PKHD1: variants seen among roughly 807,000 people sequenced by gnomAD.
PKHD1 encodes the protein fibrocystin.
Under a neutral mutation model 412.0 loss-of-function variants are expected in PKHD1, and 291 were observed. That is an observed-to-expected ratio of 0.71 (90% confidence interval 0.64 to 0.78). The LOEUF is 0.78. Among genes scored for constraint, PKHD1 ranks in the 30% least tolerant of loss-of-function variants. The pLI, the probability that PKHD1 is intolerant of heterozygous loss-of-function variation, is 0.00. For synonymous variants in PKHD1, 1,777 were observed against 1,821.5 expected (o/e 0.98, Z 0.62); for missense variants, 4,825 against 4,950.7 (o/e 0.97, Z 0.76).
chr6:51,978,124 T>C (rs1249635666), intron 35 of PKHD1, among the ~76,000 whole-genome samples: 1 of 151,900 alleles, frequency 6.6e-6, no homozygotes, highest in African/African-American at 2.4e-5. Context: ...GCCCTACTCA[T>C]CTCTCCTCTC....
In PKHD1 at chr6:52,076,341, GA is replaced by G; in HGVS notation, c.391-9del. ...TGTCTGCGCCTTGGAAAACTGTTTA[GA>G]AAATAGTACCACAAGTGAGCATGTC... On this transcript the variant is annotated splice_polypyrimidine_tract_variant and intron_variant, in intron 5 of 66. Coordinates refer to ENST00000371117, the MANE Select transcript of PKHD1 (RefSeq NM_138694.4). 1 of 1,606,954 alleles carries G rather than the reference GA, an allele frequency of 6.2e-7. No individual in the cohort carries two copies. Among genetic ancestry groups the G allele is most frequent in the Non-Finnish European group, 8.5e-7 (1 of 1,173,558 alleles).
chr6:52,083,919 C>G (rs764575907), intron 2 of PKHD1, among the ~76,000 whole-genome samples: 1 of 152,014 alleles, frequency 6.6e-6, no homozygotes, highest in East Asian at 1.9e-4. Flanking sequence ...CTTGCCTTGC[C>G]TGCTTAGAGA....
intron 35 of PKHD1, among the ~76,000 whole-genome samples, chr6:51,998,583 T>G (rs1797981672): frequency 6.6e-6 from 1 of 152,206 alleles, no homozygotes; most frequent in South Asian, 2.1e-4. Context: ...AATTATAATA[T>G]TCTAGAAAGG....
At chr6:52,080,844 T>G (rs1811927749) in intron 4 of PKHD1, among the ~76,000 whole-genome samples, 1 of 152,210 alleles carries the variant, frequency 6.6e-6, no homozygotes, top group African/African-American at 2.4e-5. Flanking sequence ...TTAGATATGT[T>G]GAGTTAAATA....
intron 35 of PKHD1, among the ~76,000 whole-genome samples, chr6:51,967,881 T>C (rs1222551797): frequency 6.6e-6 from 1 of 152,190 alleles, no homozygotes; most frequent in Non-Finnish European, 1.5e-5. Context: ...CTACAACATG[T>C]TATTTCCCCA....
intron 60 of PKHD1, among the ~76,000 whole-genome samples, chr6:51,663,634 T>C (rs1773225778): frequency 6.6e-6 from 1 of 152,174 alleles, no homozygotes; most frequent in African/African-American, 2.4e-5. Context: ...AATGTCCTTT[T>C]CAAAATTCCT....
At chr6:52,045,195 G>T in intron 24 of PKHD1, 107 bp from the exon 25 acceptor site, 3 of 1,071,244 alleles carry the variant, frequency 2.8e-6, no homozygotes, top group Non-Finnish European at 4.2e-6. Flanking sequence ...TAATCAGACA[G>T]CTAGAAAGTG....
chr6:52,077,424 T>C (rs796076205), intron 5 of PKHD1, among the ~76,000 whole-genome samples: 6 of 152,182 alleles, frequency 3.9e-5, no homozygotes, highest in African/African-American at 1.2e-4. Flanking sequence ...CCCCAATCCC[T>C]TCTAGATGCC....
chr6:52,086,022 TTA>T (rs1346826850), intron 1 of PKHD1, among the ~76,000 whole-genome samples: 3 of 148,486 alleles, frequency 2.0e-5, no homozygotes, highest in Non-Finnish European at 4.5e-5. Context: ...TTAATTATGT[TTA>T]TGTTTATTAC....
chr6:51,893,979 A>G (rs1373677340), intron 43 of PKHD1, among the ~76,000 whole-genome samples: 2 of 152,198 alleles, frequency 1.3e-5, no homozygotes, highest in Non-Finnish European at 2.9e-5. Flanking sequence ...AATTTCCAAC[A>G]CCTACATAAA....
intron 52 of PKHD1, among the ~76,000 whole-genome samples, chr6:51,817,862 C>G (rs1036280349): frequency 1.3e-5 from 2 of 152,200 alleles, no homozygotes; most frequent in African/African-American, 4.8e-5. Context: ...ACAGCCCAGA[C>G]AGCCTGGGCA....
At chr6:51,952,052 G>T (rs1192025128) in intron 36 of PKHD1, among the ~76,000 whole-genome samples, 1 of 152,096 alleles carries the variant, frequency 6.6e-6, no homozygotes, top group Non-Finnish European at 1.5e-5. Context: ...ACTGTAAATT[G>T]TTTAATATCT....
intron 53 of PKHD1, among the ~76,000 whole-genome samples, chr6:51,789,371 G>C (rs1793381205): frequency 6.6e-6 from 1 of 151,994 alleles, no homozygotes; most frequent in South Asian, 2.1e-4. Flanking sequence ...AAATAACTTA[G>C]GTGCTTAACA....
At chr6:52,002,253 A>G (rs986746902) in intron 35 of PKHD1, among the ~76,000 whole-genome samples, 14 of 152,208 alleles carry the variant, frequency 9.2e-5, no homozygotes, top group African/African-American at 3.4e-4. Context: ...CAAAAGCTGG[A>G]AGTCAGCTAG....
intron 60 of PKHD1, 67 bp from the exon 61 acceptor site, chr6:51,660,036 C>T: frequency 1.0e-6 from 1 of 974,204 alleles, no homozygotes. Context: ...ATTTGTAATC[C>T]ATCACTCTTG....
At chr6:51,890,052 C>G (rs1167922119) in intron 43 of PKHD1, among the ~76,000 whole-genome samples, 1 of 151,846 alleles carries the variant, frequency 6.6e-6, no homozygotes, top group Admixed American at 6.6e-5. Context: ...AATAATAACA[C>G]TCATAGTGAA....
chr6:51,942,626 C>A lies in PKHD1; in HGVS notation c.5909-8304G>T, dbSNP rs1030482504. On this transcript the variant is annotated intron_variant, in intron 36 of 66. Coordinates refer to ENST00000371117, the MANE Select transcript of PKHD1 (RefSeq NM_138694.4). Reference sequence around the variant, plus strand: ...CCCCATGACTTATCTCTCTGATCCACCTGACATTCACCCCCATTTCTCCAT... The same window carrying A: ...CCCCATGACTTATCTCTCTGATCCAACTGACATTCACCCCCATTTCTCCAT... Among the ~76,000 whole-genome samples the A allele has an allele frequency of 2.6e-5, 4 of 151,438 alleles. No individual in the cohort carries two copies. The South Asian group carries it at 8.3e-4, about 31-fold the overall frequency.
chr6:51,967,730 C>T (rs762628469), intron 35 of PKHD1, among the ~76,000 whole-genome samples: 2 of 152,052 alleles, frequency 1.3e-5, no homozygotes, highest in Non-Finnish European at 2.9e-5. Flanking sequence ...CACACACACA[C>T]AGAGCCAGAT....
At chr6:51,982,617 TC>T (rs1247928906) in intron 35 of PKHD1, among the ~76,000 whole-genome samples, 2 of 148,162 alleles carry the variant, frequency 1.3e-5, no homozygotes, top group Non-Finnish European at 3.0e-5. Context: ...GGCAGCATGC[TC>T]GTCAAGAGTC....
Sources: allele counts gnomAD v4.1 joint callset (sites outside exome capture counted in the v4.1 genomes callset), GRCh38; gene constraint gnomAD v4.1.1; transcripts MANE v1.5; gene names NCBI Gene and HGNC (gene_info 2026-07-23, HGNC 2026-07-21).